Variants in ANKS1B observed in about 807,000 individuals in gnomAD.
ANKS1B encodes the protein ankyrin repeat and sterile alpha motif domain-containing protein 1B.
ANKS1B carries 36 observed loss-of-function variants against 148.3 expected under a neutral mutation model. That is an observed-to-expected ratio of 0.24 (90% confidence interval 0.19 to 0.32). The LOEUF (loss-of-function observed/expected upper bound fraction) is 0.32, where lower values mean the gene tolerates loss of function less well. Among genes scored for constraint, ANKS1B ranks in the 10% least tolerant of loss-of-function variants. The pLI, the probability that ANKS1B is intolerant of heterozygous loss-of-function variation, is 1.00. For synonymous variants in ANKS1B, 542 were observed against 560.8 expected, an observed-to-expected ratio of 0.97 and a Z score of 0.47; for missense variants, 1,157 against 1,542.6, an observed-to-expected ratio of 0.75 and a Z score of 4.19.
rs576260138 is a variant in ANKS1B at position 99,929,535 on chromosome 12, C to A, written c.134+54569G>T. 1.3e-5 allele frequency among the ~76,000 whole-genome samples: 2 copies of A among 152,194 alleles called. 1 individual carries two copies. The highest frequency in any genetic ancestry group is 3.9e-4 in the East Asian group (2 of 5,182). ...CATTTGTCAATTTTGGCTTTTGTTG[C>A]CATTGCTTTTGGTGTTTTAGACATG... On this transcript the variant is annotated intron_variant, in intron 1 of 26. Transcript: ENST00000683438.
chr12:99,281,384 A>G (rs976772639), intron 12 of ANKS1B, among the ~76,000 whole-genome samples: 1 of 152,204 alleles, frequency 6.6e-6, no homozygotes, highest in Non-Finnish European at 1.5e-5. Context: ...GAATTTTCAA[A>G]ATTAAAAGAG....
At chr12:98,929,334 G>A (rs533657171) in intron 17 of ANKS1B, among the ~76,000 whole-genome samples, 28 of 152,040 alleles carry the variant, frequency 1.8e-4, no homozygotes, top group Non-Finnish European at 2.9e-4. Context: ...CTGAATACGT[G>A]AAGATGGTAA....
intron 15 of ANKS1B, among the ~76,000 whole-genome samples, chr12:99,092,094 T>C (rs1216885122): frequency 6.6e-6 from 1 of 151,872 alleles, no homozygotes; most frequent in Non-Finnish European, 1.5e-5. Context: ...GCTCCAGTCC[T>C]TTCTGTTCAC....
intron 9 of ANKS1B, among the ~76,000 whole-genome samples, chr12:99,543,384 A>G (rs1198966332): frequency 1.3e-5 from 2 of 152,176 alleles, no homozygotes; most frequent in Non-Finnish European, 2.9e-5. Flanking sequence ...ATTGTAAAAT[A>G]GTGTAACCAC....
At chr12:99,958,502 C>T (rs552416897) in intron 1 of ANKS1B, among the ~76,000 whole-genome samples, 1 of 152,256 alleles carries the variant, frequency 6.6e-6, no homozygotes, top group South Asian at 2.1e-4. Context: ...CCCACCTCAG[C>T]CCCCCAAGTA....
At chr12:99,740,000 C>T (rs1189618170) in intron 8 of ANKS1B, among the ~76,000 whole-genome samples, 1 of 152,166 alleles carries the variant, frequency 6.6e-6, no homozygotes, top group East Asian at 1.9e-4. Context: ...CCACTAAGAA[C>T]ATTACCTGGC....
Position 99,731,688 on chromosome 12 carries a change from G to A in ANKS1B, c.1128+41234C>T, listed in dbSNP as rs964232968. On this transcript the variant is annotated intron_variant, in intron 8 of 26. Coordinates refer to ENST00000683438, the MANE Select transcript of ANKS1B (RefSeq NM_001352186.2). The stretch of plus-strand genomic sequence containing the variant: ...TGGAATGAATTACAGCCTAAAATAT[G>A]AGTCAAACTATTAAACTTCTAGAAG... Among the ~76,000 whole-genome samples, 30 of 152,194 alleles carry A rather than the reference G, an allele frequency of 2.0e-4. 1 individual carries two copies. Among genetic ancestry groups the A allele is most frequent in the Admixed American group, 2.0e-3 (30 of 15,280 alleles).
At chr12:99,604,927 A>C (rs1276546549) in intron 9 of ANKS1B, among the ~76,000 whole-genome samples, 1 of 151,994 alleles carries the variant, frequency 6.6e-6, no homozygotes, top group Non-Finnish European at 1.5e-5. Flanking sequence ...CAGTTTTCTT[A>C]AGTAATCAAA....
intron 12 of ANKS1B, among the ~76,000 whole-genome samples, chr12:99,324,152 A>G (rs1411783480): frequency 6.6e-6 from 1 of 152,188 alleles, no homozygotes; most frequent in Non-Finnish European, 1.5e-5. Context: ...AATTACATGG[A>G]CATTAATTTT....
chr12:98,794,624 C>T (rs529247515), intron 22 of ANKS1B: 28 of 825,848 alleles, frequency 3.4e-5, no homozygotes, highest in Middle Eastern at 3.5e-4. Flanking sequence ...GTGCGATCCT[C>T]ACAAAGTTAG....
chr12:98,865,422 G>A (rs1318710641), intron 17 of ANKS1B, among the ~76,000 whole-genome samples: 1 of 152,164 alleles, frequency 6.6e-6, no homozygotes, highest in Non-Finnish European at 1.5e-5. Flanking sequence ...TATTTAACAA[G>A]CGTTAGCTGA....
intron 17 of ANKS1B, among the ~76,000 whole-genome samples, chr12:98,891,072 A>G (rs1334458977): frequency 6.6e-6 from 1 of 152,222 alleles, no homozygotes; most frequent in East Asian, 1.9e-4. Flanking sequence ...AATTCCAAAC[A>G]CTAAAGAGAT....
intron 15 of ANKS1B, among the ~76,000 whole-genome samples, chr12:99,143,872 T>C (rs2071944138): frequency 6.6e-6 from 1 of 152,104 alleles, no homozygotes; most frequent in Non-Finnish European, 1.5e-5. Context: ...TGTCCAGGGC[T>C]CAGATCTTTC....
chr12:98,918,513 A>AT (rs541004359), intron 17 of ANKS1B, among the ~76,000 whole-genome samples: 112 of 152,318 alleles, frequency 7.4e-4, no homozygotes, highest in African/African-American at 2.6e-3. Context: ...GATCATTCTC[A>AT]TTTTTTCCTG....
chr12:99,473,515 G>C (rs115314822), intron 10 of ANKS1B, among the ~76,000 whole-genome samples: 216 of 151,994 alleles, frequency 1.4e-3, no homozygotes, highest in African/African-American at 4.7e-3. Context: ...TAAAAATATT[G>C]ATGAATTGTC....
At chr12:99,600,465 A>G (rs2097791746) in intron 9 of ANKS1B, among the ~76,000 whole-genome samples, 1 of 152,034 alleles carries the variant, frequency 6.6e-6, no homozygotes, top group Non-Finnish European at 1.5e-5. Context: ...CACAGGGTAC[A>G]CTAAATAAAT....
At chr12:99,367,541 A>G (rs530782122) in intron 12 of ANKS1B, among the ~76,000 whole-genome samples, 1 of 152,272 alleles carries the variant, frequency 6.6e-6, no homozygotes, top group East Asian at 1.9e-4. Flanking sequence ...ATATTCCCCA[A>G]GAGAGAGAGT....
chr12:99,073,531 T>C (rs747681188), intron 16 of ANKS1B, among the ~76,000 whole-genome samples: 19 of 152,206 alleles, frequency 1.2e-4, no homozygotes, highest in Admixed American at 4.6e-4. Flanking sequence ...GATAAATAAG[T>C]GAATGACCCC....
At chr12:98,808,995 C>T (rs2099073055) in intron 19 of ANKS1B, among the ~76,000 whole-genome samples, 1 of 152,174 alleles carries the variant, frequency 6.6e-6, no homozygotes, top group African/African-American at 2.4e-5. Context: ...AGGCTTATCC[C>T]TAGCTAAAAG....
Sources: gnomAD v4.1 joint callset for allele counts (sites outside exome capture counted in the v4.1 genomes callset) on GRCh38, gnomAD v4.1.1 for gene constraint, MANE v1.5 for transcripts, NCBI Gene and HGNC (gene_info 2026-07-23, HGNC 2026-07-21) for gene names.